GRM8: variants seen among roughly 807,000 people sequenced by gnomAD.
GRM8 encodes glutamate metabotropic receptor 8.
GRM8 carries 47 observed loss-of-function variants against 87.2 expected under a neutral mutation model. The observed-to-expected ratio is 0.54, with a 90% confidence interval of 0.43 to 0.69. The LOEUF (loss-of-function observed/expected upper bound fraction) is 0.69, where lower values mean the gene tolerates loss of function less well. Ranked by LOEUF, GRM8 falls within the 30% of genes least tolerant of loss-of-function variation. The pLI is 0.00. For missense variants in GRM8, 1,019 were observed against 1,139.2 expected (o/e 0.89, Z 1.52); for synonymous variants, 396 against 404.5 (o/e 0.98, Z 0.25).
chr7:126,960,826 T>C (rs1345494111), intron 3 of GRM8, among the ~76,000 whole-genome samples: 2 of 152,192 alleles, frequency 1.3e-5, no homozygotes, highest in African/African-American at 4.8e-5. Context: ...ATTGTTCTTT[T>C]CTTGCTATTC....
At chr7:126,646,274 G>GGAA (rs1159409339) in intron 7 of GRM8, among the ~76,000 whole-genome samples, 1 of 69,016 alleles carries the variant, frequency 1.4e-5, no homozygotes, top group Non-Finnish European at 4.0e-5. Context: ...AAGGAAGGAA[G>GGAA]GAAGGAAGGA....
intron 9 of GRM8, among the ~76,000 whole-genome samples, chr7:126,489,464 T>A (rs368550168): frequency 1.3e-5 from 2 of 152,078 alleles, no homozygotes; most frequent in Admixed American, 6.6e-5. Context: ...CAAAGTACTA[T>A]GTGTGCACAG....
At chr7:126,720,602 G>C (rs1052716186) in intron 7 of GRM8, among the ~76,000 whole-genome samples, 1 of 152,146 alleles carries the variant, frequency 6.6e-6, no homozygotes, top group African/African-American at 2.4e-5. Context: ...AGGATAAGTA[G>C]ATTATTTCTG....
chr7:127,149,528 A>G (rs1828732869), intron 2 of GRM8, among the ~76,000 whole-genome samples: 1 of 152,064 alleles, frequency 6.6e-6, no homozygotes, highest in Non-Finnish European at 1.5e-5. Context: ...TCAAAAATAG[A>G]GCTACCATAT....
intron 3 of GRM8, among the ~76,000 whole-genome samples, chr7:127,077,083 C>T (rs1246833230): frequency 6.6e-6 from 1 of 152,072 alleles, no homozygotes; most frequent in East Asian, 1.9e-4. Flanking sequence ...CATATTATTT[C>T]CATATTATTT....
chr7:126,866,513 T>C (rs149209842), intron 6 of GRM8, among the ~76,000 whole-genome samples: 1 of 151,848 alleles, frequency 6.6e-6, no homozygotes, highest in African/African-American at 2.4e-5. Flanking sequence ...CAAAGATTTA[T>C]ACTTTTTTTC....
chr7:127,207,151 T>C (rs948983768), intron 2 of GRM8, among the ~76,000 whole-genome samples: 1 of 152,246 alleles, frequency 6.6e-6, no homozygotes, highest in Non-Finnish European at 1.5e-5. Flanking sequence ...TGCACACTAA[T>C]TTATATTTGC....
intron 6 of GRM8, among the ~76,000 whole-genome samples, chr7:126,892,046 C>T (rs1285544264): frequency 1.6e-5 from 2 of 124,900 alleles, no homozygotes; most frequent in Non-Finnish European, 3.4e-5. Context: ...AAAAAAAACC[C>T]TAATAAACTA....
intron 9 of GRM8, among the ~76,000 whole-genome samples, chr7:126,513,481 A>C (rs370436824): frequency 6.6e-6 from 1 of 152,278 alleles, no homozygotes; most frequent in African/African-American, 2.4e-5. Context: ...CTTCTTAGGA[A>C]GTTCAGTGGG....
intron 7 of GRM8, among the ~76,000 whole-genome samples, chr7:126,617,298 A>C (rs1305865098): frequency 1.3e-5 from 2 of 152,176 alleles, no homozygotes; most frequent in East Asian, 1.9e-4. Context: ...TCAATAGATG[A>C]AGAAAAGGCC....
intron 7 of GRM8, among the ~76,000 whole-genome samples, chr7:126,680,401 T>A: frequency 6.6e-6 from 1 of 152,208 alleles, no homozygotes; most frequent in East Asian, 1.9e-4. Context: ...AATTGAGACT[T>A]GCTTTTTAGT....
At chr7:126,795,419 C>T (rs1247259328) in intron 6 of GRM8, among the ~76,000 whole-genome samples, 2 of 152,106 alleles carry the variant, frequency 1.3e-5, no homozygotes, top group African/African-American at 2.4e-5. Flanking sequence ...ACATAAGACT[C>T]ATCTTTTTAA....
Position 126,439,108 on chromosome 7 carries a change from AT to A in GRM8, c.*10del. ...ATACCACATCTCTTCAGATTGTGCC[AT>A]TTCCCTGTTTCAGATTGAATGATTG... On this transcript the variant is annotated 3_prime_UTR_variant, in exon 11 of 11. Transcript: ENST00000339582. 6.5e-7 allele frequency: 1 copy of A among 1,536,290 alleles called. No homozygotes were observed. Among genetic ancestry groups the A allele is most frequent in the Non-Finnish European group, 9.0e-7 (1 of 1,109,512 alleles).
intron 2 of GRM8, chr7:127,228,408 T>G (rs1439522749): frequency 6.6e-6 from 1 of 152,220 alleles, no homozygotes; most frequent in Non-Finnish European, 1.5e-5. Context: ...AACTGAAGGC[T>G]CAGGAAGAAC....
At chr7:126,790,668 G>C (rs1435891084) in intron 6 of GRM8, among the ~76,000 whole-genome samples, 1 of 152,138 alleles carries the variant, frequency 6.6e-6, no homozygotes, top group Non-Finnish European at 1.5e-5. Context: ...GGCAGTCAGA[G>C]GGTGAAGAAG....
chr7:127,236,352 A>G (rs17867254), intron 2 of GRM8, among the ~76,000 whole-genome samples: 219 of 152,352 alleles, frequency 1.4e-3, no homozygotes, highest in Non-Finnish European at 2.7e-3. Context: ...AGGAACTGCC[A>G]GATACTGGGT....
intron 9 of GRM8, among the ~76,000 whole-genome samples, chr7:126,502,338 G>A (rs1809772580): frequency 6.6e-6 from 1 of 152,034 alleles, no homozygotes; most frequent in Non-Finnish European, 1.5e-5. Context: ...AACAAATGTA[G>A]TTTAGAAGCC....
chr7:127,252,882 G>C lies in GRM8; in HGVS notation c.-397C>G. ...CGCCGCCGCCGCCGCCGCCGCCGCC[G>C]CGTGAGGCGAGCACAGCGGCCGCAC... On this transcript the variant is annotated 5_prime_UTR_variant, in exon 1 of 11. Coordinates refer to ENST00000339582, the MANE Select transcript of GRM8 (RefSeq NM_000845.3). The surrounding 1 kb of genome is among the most constrained non-coding windows in gnomAD (Gnocchi z 4.9). 1 of 220,638 alleles carries C rather than the reference G, an allele frequency of 4.5e-6. No individual in the cohort carries two copies. The highest frequency in any genetic ancestry group is 6.4e-5 in the South Asian group (1 of 15,722). The allele number at this position is 220,638 out of a possible 1,614,324, so 13.7% of individuals were successfully genotyped here. A position where few individuals can be genotyped will look rare whatever the true frequency, so the allele number is the denominator to read the frequency against.
intron 3 of GRM8, among the ~76,000 whole-genome samples, chr7:126,950,026 T>A (rs573901568): frequency 1.3e-5 from 2 of 152,178 alleles, no homozygotes; most frequent in Non-Finnish European, 2.9e-5. Flanking sequence ...AAAATGAACA[T>A]CACAAATAAG....
Sources: allele counts gnomAD v4.1 joint callset (sites outside exome capture counted in the v4.1 genomes callset), GRCh38; gene constraint gnomAD v4.1.1; non-coding constraint Gnocchi (gnomAD v3.1); transcripts MANE v1.5; gene names NCBI Gene and HGNC (gene_info 2026-07-23, HGNC 2026-07-21).